ZNF280D: variants seen among roughly 807,000 people sequenced by gnomAD.
ZNF280D encodes the protein suppressor of hairy wing homolog 4.
In ZNF280D, 39 loss-of-function variants were observed where a neutral mutation model predicts 94.7. The observed-to-expected ratio is 0.41, with a 90% CI of 0.32 to 0.54. The LOEUF (loss-of-function observed/expected upper bound fraction) is 0.54. Ranked by LOEUF, ZNF280D falls within the 20% of genes least tolerant of loss-of-function variation. The pLI is 0.22. For missense variants in ZNF280D, 1,090 were observed against 1,149.3 expected, an observed-to-expected ratio of 0.95 and a Z score of 0.75; for synonymous variants, 398 against 377.6, an observed-to-expected ratio of 1.05 and a Z score of -0.63.
chr15:56,658,598 T>G lies in ZNF280D; in HGVS notation c.1995-112A>C, dbSNP rs995414881. On this transcript the variant is annotated intron_variant, in intron 16 of 21. Coordinates refer to ENST00000267807, the MANE Select transcript of ZNF280D (RefSeq NM_017661.4). ...TCTAGTTTGTAATAAAAGATTATAA[T>G]GTAAATAATAAAATAATGCCTGTCA... 1.2e-5 allele frequency: 8 copies of G among 692,324 alleles called. No individual in the cohort carries two copies. The African/African-American group carries it at 1.3e-4, about 11-fold the overall frequency. 42.9% of individuals were successfully genotyped at this position (692,324 alleles called of 1,614,324 possible).
At position 56,689,035 on chromosome 15, in the gene ZNF280D, T is replaced by G; in HGVS notation, c.780+6A>C. The G allele has an allele frequency of 6.3e-7, 1 of 1,581,996 alleles. No individual in the cohort carries two copies. Among genetic ancestry groups the G allele is most frequent in the Non-Finnish European group, 8.6e-7 (1 of 1,162,148 alleles). On this transcript the variant is annotated splice_donor_region_variant and intron_variant, in intron 9 of 21. Transcript: ENST00000267807. Reference sequence around the variant, plus strand: ...TTTTACAAATTAAATTTTGAAAGAGTTTTACCTTCATGTGATTTTTCAAAG... The same window carrying G: ...TTTTACAAATTAAATTTTGAAAGAGGTTTACCTTCATGTGATTTTTCAAAG...
chr15:56,716,468 C>G (rs1484563737), intron 1 of ZNF280D, among the ~76,000 whole-genome samples: 1 of 142,298 alleles, frequency 7.0e-6, no homozygotes, highest in Non-Finnish European at 1.5e-5. Context: ...GAAGATAAGC[C>G]AGCAAATATG....
intron 17 of ZNF280D, among the ~76,000 whole-genome samples, chr15:56,656,758 C>A (rs1034055722): frequency 1.3e-5 from 2 of 152,050 alleles, no homozygotes; most frequent in Non-Finnish European, 2.9e-5. Context: ...CCAAACCACA[C>A]ACAATATAGT....
In ZNF280D at chr15:56,707,357, T is replaced by A. The variant is rs2141254421; in HGVS notation, c.-85-51A>T. The A allele has an allele frequency of 8.3e-6, 12 of 1,439,026 alleles. No individual in the cohort carries two copies. The South Asian group carries it at 1.3e-4, about 16-fold the overall frequency. 89.1% of individuals were successfully genotyped at this position (1,439,026 alleles called of 1,614,324 possible). A position where few individuals can be genotyped will look rare whatever the true frequency, so the allele number is the denominator to read the frequency against. ...AGGGTGGACTTCATTAAATTAGATGTATACATATTTAATCTTTTCTCCTAT... is the reference window on the plus strand; with the variant it reads ...AGGGTGGACTTCATTAAATTAGATGAATACATATTTAATCTTTTCTCCTAT... On this transcript the variant is annotated intron_variant, in intron 1 of 21. Coordinates refer to ENST00000267807, the MANE Select transcript of ZNF280D (RefSeq NM_017661.4).
chr15:56,665,779 A>T (rs997376093), intron 16 of ZNF280D, among the ~76,000 whole-genome samples: 1 of 152,020 alleles, frequency 6.6e-6, no homozygotes, highest in African/African-American at 2.4e-5. Context: ...TTAAAAATTT[A>T]AAATTCTGTT....
chr15:56,690,657 T>C lies in ZNF280D; in HGVS notation c.500-1187A>G, dbSNP rs796217032. On this transcript the variant is annotated intron_variant, in intron 7 of 21. Coordinates refer to ENST00000267807, the MANE Select transcript of ZNF280D (RefSeq NM_017661.4). ...GCTGAAGGATTTTAGTTTTATTTAA[T>C]GCATTCTCAAGAGAAATGAGGATAT... is the stretch of plus-strand genomic sequence containing the variant. Among the ~76,000 whole-genome samples the C allele has an allele frequency of 4.6e-5, 7 of 152,336 alleles. 1 individual carries two copies. Among genetic ancestry groups the C allele is most frequent in the African/African-American group, 1.7e-4 (7 of 41,590 alleles).
chr15:56,663,522 A>T (rs1232863953), intron 16 of ZNF280D, among the ~76,000 whole-genome samples: 3 of 152,074 alleles, frequency 2.0e-5, no homozygotes, highest in Non-Finnish European at 4.4e-5. Flanking sequence ...CACTGCAGAG[A>T]AGAGTTCGCC....
intron 1 of ZNF280D, chr15:56,732,702 C>A (rs2058955607): frequency 6.6e-6 from 1 of 152,118 alleles, no homozygotes; most frequent in East Asian, 1.9e-4. Flanking sequence ...TCCTCTCCAG[C>A]AGATTTCTCC....
intron 14 of ZNF280D, chr15:56,668,043 A>C: frequency 2.4e-6 from 1 of 413,484 alleles, no homozygotes; most frequent in Non-Finnish European, 4.8e-6. Flanking sequence ...AATGGATTGC[A>C]GGGAAGGATG....
At chr15:56,644,305 A>C (rs1192269636) in intron 19 of ZNF280D, among the ~76,000 whole-genome samples, 2 of 152,098 alleles carry the variant, frequency 1.3e-5, no homozygotes, top group African/African-American at 2.4e-5. Context: ...CACAATACTT[A>C]TAAAGATGAG....
Position 56,677,557 on chromosome 15 carries a change from A to G in ZNF280D, c.1263+17T>C. 1 of 1,559,444 alleles carries G rather than the reference A, an allele frequency of 6.4e-7. No individual in the cohort carries two copies. The highest frequency in any genetic ancestry group is 8.8e-7 in the Non-Finnish European group (1 of 1,132,824). ...AACAAACCAAACACTTAAAAAAACA[A>G]TAAAATGTATGTGTACCTGGCAGAC... is the stretch of plus-strand genomic sequence containing the variant. On this transcript the variant is annotated intron_variant, in intron 12 of 21. Coordinates refer to ENST00000267807, the MANE Select transcript of ZNF280D (RefSeq NM_017661.4).
chr15:56,718,465 C>A (rs1343967700), intron 1 of ZNF280D, among the ~76,000 whole-genome samples: 1 of 152,130 alleles, frequency 6.6e-6, no homozygotes, highest in Admixed American at 6.6e-5. Context: ...GATAAATCAA[C>A]TTTTTAGAAT....
intron 21 of ZNF280D, chr15:56,634,291 A>AC (rs2052241760): frequency 6.6e-6 from 1 of 152,084 alleles, no homozygotes; most frequent in Non-Finnish European, 1.5e-5. Flanking sequence ...GGAAAAAATT[A>AC]TTTTTTCCTC....
intron 1 of ZNF280D, among the ~76,000 whole-genome samples, chr15:56,717,062 T>TG (rs2058087472): frequency 6.6e-6 from 1 of 152,170 alleles, no homozygotes; most frequent in South Asian, 2.1e-4. Flanking sequence ...TTGGTTGGCT[T>TG]GGCTAAAATT....
chr15:56,696,093 A>T (rs960126082), intron 6 of ZNF280D, among the ~76,000 whole-genome samples: 2 of 152,172 alleles, frequency 1.3e-5, no homozygotes, highest in African/African-American at 4.8e-5. Context: ...TATTGATGTA[A>T]CTCAAACTAA....
intron 1 of ZNF280D, among the ~76,000 whole-genome samples, chr15:56,721,709 T>G (rs1300182943): frequency 6.6e-6 from 1 of 152,232 alleles, no homozygotes; most frequent in Admixed American, 6.5e-5. Context: ...AGTAGGGTCT[T>G]GACCTCGAGC....
chr15:56,687,929 A>ATAT (rs1491187958), intron 9 of ZNF280D, among the ~76,000 whole-genome samples: 4 of 152,166 alleles, frequency 2.6e-5, no homozygotes, highest in Non-Finnish European at 2.9e-5. Context: ...TTCAATAAAA[A>ATAT]TATGTCAATC....
intron 14 of ZNF280D, among the ~76,000 whole-genome samples, chr15:56,667,731 G>A (rs532917528): frequency 5.9e-5 from 9 of 152,170 alleles, no homozygotes; most frequent in African/African-American, 2.2e-4. Context: ...AACATACAAT[G>A]GCACTGGACC....
chr15:56,633,865 CTTT>C (rs34438777), intron 21 of ZNF280D, among the ~76,000 whole-genome samples: 3 of 151,804 alleles, frequency 2.0e-5, no homozygotes, highest in Non-Finnish European at 4.4e-5. Context: ...AAATATAAAT[CTTT>C]TTTTAAGTTT....
Sources: gnomAD v4.1 joint callset for allele counts (sites outside exome capture counted in the v4.1 genomes callset) on GRCh38, gnomAD v4.1.1 for gene constraint, MANE v1.5 for transcripts, NCBI Gene and HGNC (gene_info 2026-07-23, HGNC 2026-07-21) for gene names.